PTCHD4: variants seen among roughly 807,000 people sequenced by gnomAD.
PTCHD4 encodes patched domain-containing protein 4.
In PTCHD4, 33 loss-of-function variants were observed where a neutral mutation model predicts 58.1. That is an observed-to-expected ratio of 0.57 (90% CI 0.43 to 0.76). The LOEUF (loss-of-function observed/expected upper bound fraction) is 0.76. Among genes scored for constraint, PTCHD4 ranks in the 30% least tolerant of loss-of-function variants. PTCHD4 has a pLI of 0.00. For missense variants in PTCHD4, 1,058 were observed against 1,027.1 expected, an observed-to-expected ratio of 1.03 and a Z score of -0.41; for synonymous variants, 478 against 409.6, an observed-to-expected ratio of 1.17 and a Z score of -2.02.
At chr6:47,933,663 A>G (rs1765901524) in intron 4 of PTCHD4, among the ~76,000 whole-genome samples, 1 of 152,208 alleles carries the variant, frequency 6.6e-6, no homozygotes, top group South Asian at 2.1e-4. Flanking sequence ...GAAAAATCAT[A>G]GACTTAGTAT....
chr6:48,001,041 C>T (rs1404447266), intron 4 of PTCHD4, among the ~76,000 whole-genome samples: 1 of 152,152 alleles, frequency 6.6e-6, no homozygotes, highest in East Asian at 1.9e-4. Flanking sequence ...AGGAATCCAA[C>T]TTACAAGGGA....
chr6:48,004,446 T>C (rs1562001269), intron 4 of PTCHD4, among the ~76,000 whole-genome samples: 2 of 152,140 alleles, frequency 1.3e-5, no homozygotes, highest in African/African-American at 2.4e-5. Context: ...CATCTGTGTG[T>C]AATATTAGCC....
intron 4 of PTCHD4, among the ~76,000 whole-genome samples, chr6:47,912,918 T>C (rs762019281): frequency 1.3e-5 from 2 of 152,138 alleles, no homozygotes; most frequent in Non-Finnish European, 2.9e-5. Flanking sequence ...TTAGTCTAGC[T>C]TTTCTATCTT....
intron 1 of PTCHD4, among the ~76,000 whole-genome samples, chr6:48,090,092 TAC>T (rs1260313551): frequency 2.6e-5 from 4 of 151,986 alleles, no homozygotes; most frequent in East Asian, 1.9e-4. Context: ...TAATATCTGA[TAC>T]AGTTAATTCA....
Position 47,970,191 on chromosome 6 carries a change from C to T in PTCHD4, c.898+38443G>A, listed in dbSNP as rs570119048. ...AAAGGAGATTTCTAATAATACAGAGCATATTGAGCACATGCATTTAAGTCT... is the reference window on the plus strand; with the variant it reads ...AAAGGAGATTTCTAATAATACAGAGTATATTGAGCACATGCATTTAAGTCT... On this transcript the variant is annotated intron_variant, in intron 4 of 4. Coordinates refer to ENST00000339488, the MANE Select transcript of PTCHD4 (RefSeq NM_001384253.1). Among the ~76,000 whole-genome samples the T allele has an allele frequency of 1.5e-4, 23 of 152,218 alleles. No homozygotes were observed. In the South Asian group the frequency reaches 3.9e-3, roughly 26 times the overall value.
intron 4 of PTCHD4, among the ~76,000 whole-genome samples, chr6:47,985,610 A>G (rs987083542): frequency 2.6e-5 from 4 of 152,146 alleles, no homozygotes; most frequent in Non-Finnish European, 4.4e-5. Flanking sequence ...TTAATTAAAT[A>G]AAATTCATGC....
At chr6:48,047,369 T>C (rs1398508820) in intron 3 of PTCHD4, among the ~76,000 whole-genome samples, 1 of 151,896 alleles carries the variant, frequency 6.6e-6, no homozygotes, top group Non-Finnish European at 1.5e-5. Flanking sequence ...TACCTTTTAC[T>C]TTTCTCTGCA....
intron 3 of PTCHD4, among the ~76,000 whole-genome samples, chr6:48,038,913 T>C (rs1295334900): frequency 6.6e-6 from 1 of 152,186 alleles, no homozygotes; most frequent in Non-Finnish European, 1.5e-5. Flanking sequence ...AGGTTTGTTA[T>C]GGACAATGAT....
chr6:48,102,529 C>A (rs138546849), intron 1 of PTCHD4, among the ~76,000 whole-genome samples: 2 of 152,204 alleles, frequency 1.3e-5, no homozygotes, highest in South Asian at 4.1e-4. Flanking sequence ...CAGTTCCCAG[C>A]GTGAGCGATG....
At chr6:47,991,445 C>A (rs13193949) in intron 4 of PTCHD4, among the ~76,000 whole-genome samples, 11,965 of 151,968 alleles carry the variant, frequency 0.079, 645 homozygotes, top group Non-Finnish European at 0.12. Context: ...AGGTTTGCAC[C>A]AGCAGGACAT....
At chr6:48,098,283 C>G (rs571047505) in intron 1 of PTCHD4, among the ~76,000 whole-genome samples, 6 of 148,174 alleles carry the variant, frequency 4.0e-5, no homozygotes, top group Non-Finnish European at 9.0e-5. Flanking sequence ...TGAGATAAGT[C>G]AAGGATGGAG....
intron 1 of PTCHD4, among the ~76,000 whole-genome samples, chr6:48,110,631 CCACACACA>C (rs367594403): frequency 1.4e-4 from 20 of 139,272 alleles, no homozygotes; most frequent in African/African-American, 3.1e-4. Context: ...GATGGTTTTA[CCACACACA>C]CACACACACA....
In PTCHD4 at chr6:47,904,810, C is replaced by A. The variant is rs911789414; in HGVS notation, c.899-24874G>T. On this transcript the variant is annotated intron_variant, in intron 4 of 4. Coordinates refer to ENST00000339488, the MANE Select transcript of PTCHD4 (RefSeq NM_001384253.1). The stretch of plus-strand genomic sequence containing the variant: ...CTAGAGAGATATCAAATACATAAAC[C>A]TTTAGTAAGTATAAATTACAAAAGC... Among the ~76,000 whole-genome samples the A allele has an allele frequency of 3.9e-4, 59 of 152,104 alleles. 1 individual carries two copies. Among genetic ancestry groups the A allele is most frequent in the Non-Finnish European group, 7.4e-4 (50 of 68,006 alleles).
intron 4 of PTCHD4, among the ~76,000 whole-genome samples, chr6:47,942,375 T>C (rs528402821): frequency 6.6e-6 from 1 of 152,294 alleles, no homozygotes; most frequent in South Asian, 2.1e-4. Context: ...AACCCATGAG[T>C]ATGTAAGGGT....
intron 4 of PTCHD4, among the ~76,000 whole-genome samples, chr6:47,965,353 CTGT>C (rs1411714388): frequency 2.6e-5 from 4 of 152,148 alleles, no homozygotes; most frequent in Non-Finnish European, 1.5e-5. Flanking sequence ...CTTTGTAGCT[CTGT>C]TGTTCTTGAA....
chr6:47,965,905 A>G (rs1424062276), intron 4 of PTCHD4, among the ~76,000 whole-genome samples: 2 of 152,082 alleles, frequency 1.3e-5, no homozygotes, highest in African/African-American at 4.8e-5. Context: ...ACACAGCGAG[A>G]CTCCATCTCA....
chr6:48,110,264 C>A (rs973059195), intron 1 of PTCHD4, among the ~76,000 whole-genome samples: 1 of 152,068 alleles, frequency 6.6e-6, no homozygotes, highest in African/African-American at 2.4e-5. Context: ...TACACACACA[C>A]AATTAAATAC....
At chr6:47,923,421 C>T (rs1222343955) in intron 4 of PTCHD4, among the ~76,000 whole-genome samples, 1 of 152,266 alleles carries the variant, frequency 6.6e-6, no homozygotes, top group South Asian at 2.1e-4. Context: ...TAGCACTAAG[C>T]ACTTTTGATA....
rs139823782 is a variant in PTCHD4, at chr6:47,973,772, C to G, written c.898+34862G>C. Among the ~76,000 whole-genome samples, 447 of 152,324 alleles carry G rather than the reference C, an allele frequency of 2.9e-3. 3 individuals are homozygous for G. Among genetic ancestry groups the G allele is most frequent in the African/African-American group, 0.01 (425 of 41,580 alleles). The stretch of plus-strand genomic sequence containing the variant: ...TTGGTTATAGTATCTTACGTTTATA[C>G]AGTTAGAATTTACATACAAATTCAA... On this transcript the variant is annotated intron_variant, in intron 4 of 4. Coordinates refer to ENST00000339488, the MANE Select transcript of PTCHD4 (RefSeq NM_001384253.1).
Sources: gnomAD v4.1 joint callset for allele counts (sites outside exome capture counted in the v4.1 genomes callset) on GRCh38, gnomAD v4.1.1 for gene constraint, MANE v1.5 for transcripts, NCBI Gene and HGNC (gene_info 2026-07-23, HGNC 2026-07-21) for gene names.